Variants in SLCO3A1 observed in about 807,000 individuals in gnomAD.
SLCO3A1 encodes solute carrier organic anion transporter family member 3A1.
SLCO3A1 carries 27 observed loss-of-function variants against 63.1 expected under a neutral mutation model. The ratio of observed to expected loss-of-function variants is 0.43; its 90% CI spans 0.32 to 0.59. The LOEUF is 0.59. Ranked by LOEUF, SLCO3A1 falls within the 20% of genes least tolerant of loss-of-function variation. The pLI is 0.09. For missense variants in SLCO3A1, 773 were observed against 945.8 expected (o/e 0.82, Z 2.40); for synonymous variants, 473 against 409.9 (o/e 1.15, Z -1.86).
intron 2 of SLCO3A1, among the ~76,000 whole-genome samples, chr15:91,956,207 T>G (rs369242842): frequency 2.0e-5 from 3 of 152,278 alleles, no homozygotes; most frequent in East Asian, 3.9e-4. Flanking sequence ...GGTTGGTTTC[T>G]GGCGTTCTAC....
intron 8 of SLCO3A1, chr15:92,148,800 C>G (rs966390951): frequency 3.3e-5 from 5 of 152,134 alleles, no homozygotes; most frequent in African/African-American, 9.7e-5. Flanking sequence ...AGCAGAAAAA[C>G]CTGAATTGGA....
chr15:92,113,596 G>A (rs925174855), intron 4 of SLCO3A1, among the ~76,000 whole-genome samples: 4 of 152,296 alleles, frequency 2.6e-5, no homozygotes, highest in South Asian at 2.1e-4. Flanking sequence ...GCTAGGAAGC[G>A]CTCCCATGGG....
Position 91,886,929 on chromosome 15 carries a change from A to G in SLCO3A1, c.181-29064A>G, listed in dbSNP as rs1897738563. 6.6e-6 allele frequency among the ~76,000 whole-genome samples: 1 copy of G among 152,178 alleles called. No homozygotes were observed. The highest frequency in any genetic ancestry group is 6.5e-5 in the Admixed American group (1 of 15,282). On this transcript the variant is annotated intron_variant, in intron 1 of 9. Transcript: ENST00000318445. This position sits in a 1 kb window ranked among gnomAD's most constrained non-coding sequence, Gnocchi z 4.9. ...TCAGGAGGTTAAAAATTCTGCTTAC[A>G]GCTGAAGTTGCAGTTGCGTGGGAGA... is the stretch of plus-strand genomic sequence containing the variant.
intron 2 of SLCO3A1, among the ~76,000 whole-genome samples, chr15:91,956,985 A>ATAATATATATTAT (rs1297821954): frequency 6.0e-5 from 1 of 16,568 alleles, no homozygotes. Context: ...TAGTATATAT[A>ATAATATATATTAT]ATATATAGTA....
intron 1 of SLCO3A1, among the ~76,000 whole-genome samples, chr15:91,873,531 T>TACACACACACACAC (rs71912147): frequency 2.0e-4 from 29 of 146,748 alleles, no homozygotes; most frequent in African/African-American, 4.0e-4. Flanking sequence ...GCTACATTCA[T>TACACACACACACAC]ACACACACAC....
At chr15:92,042,320 G>C (rs547193804) in intron 2 of SLCO3A1, among the ~76,000 whole-genome samples, 1 of 152,256 alleles carries the variant, frequency 6.6e-6, no homozygotes, top group East Asian at 1.9e-4. Context: ...ATTTTAAAAG[G>C]GAAAAGAGGT....
intron 2 of SLCO3A1, among the ~76,000 whole-genome samples, chr15:92,087,921 T>A (rs1347368786): frequency 2.0e-5 from 3 of 152,214 alleles, no homozygotes; most frequent in African/African-American, 7.2e-5. Context: ...ATTCTTCTGG[T>A]TACATGCACC....
Position 91,912,474 on chromosome 15 carries a change from C to T in SLCO3A1, c.181-3519C>T, listed in dbSNP as rs571094490. On this transcript the variant is annotated intron_variant, in intron 1 of 9. Coordinates refer to ENST00000318445, the MANE Select transcript of SLCO3A1 (RefSeq NM_013272.4). The surrounding 1 kb of genome is among the most constrained non-coding windows in gnomAD (Gnocchi z 5.0). ...TGGGAGCCAGGACAAGAGCTGCAGG[C>T]ACGGGCGTTATCTGTCTCTAAAAGA... Among the ~76,000 whole-genome samples, 11 of 152,306 alleles carry T rather than the reference C, an allele frequency of 7.2e-5. No individual in the cohort carries two copies. Among genetic ancestry groups the T allele is most frequent in the African/African-American group, 2.4e-4 (10 of 41,572 alleles).
chr15:92,132,295 G>A lies in SLCO3A1; in HGVS notation c.1512+3806G>A, dbSNP rs575465031. Among the ~76,000 whole-genome samples the A allele has an allele frequency of 2.1e-5, 3 of 144,852 alleles. 1 individual carries two copies. The highest frequency in any genetic ancestry group is 4.6e-5 in the Non-Finnish European group (3 of 64,904). On this transcript the variant is annotated intron_variant, in intron 7 of 9. Coordinates refer to ENST00000318445, the MANE Select transcript of SLCO3A1 (RefSeq NM_013272.4). ...ATAGGGAAATCTGATTAGTGTTAGT[G>A]GTTTCCTGATATTAAACTTTTCTTC...
chr15:91,896,379 C>CT (rs1438804598), intron 1 of SLCO3A1, among the ~76,000 whole-genome samples: 1 of 152,142 alleles, frequency 6.6e-6, no homozygotes, highest in African/African-American at 2.4e-5. Context: ...GATTGCTTCT[C>CT]TGAGGTAGGA....
intron 2 of SLCO3A1, among the ~76,000 whole-genome samples, chr15:91,925,407 T>C (rs1898977181): frequency 6.6e-6 from 1 of 152,186 alleles, no homozygotes; most frequent in South Asian, 2.1e-4. Flanking sequence ...GATAATTTTT[T>C]AGTGTTAAAA....
At chr15:91,971,641 T>C (rs1475220340) in intron 2 of SLCO3A1, among the ~76,000 whole-genome samples, 1 of 152,022 alleles carries the variant, frequency 6.6e-6, no homozygotes. Context: ...CAGGCATGAG[T>C]TACAGCATTG....
rs567893607 is a variant in SLCO3A1 at position 92,033,136 on chromosome 15, TA to T, written c.647-61737del. Among the ~76,000 whole-genome samples the T allele has an allele frequency of 5.9e-5, 9 of 152,004 alleles. No individual in the cohort carries two copies. Among genetic ancestry groups the T allele is most frequent in the Admixed American group, 3.9e-4 (6 of 15,276 alleles). On this transcript the variant is annotated intron_variant, in intron 2 of 9. Transcript: ENST00000318445. The surrounding 1 kb of genome is among the most constrained non-coding windows in gnomAD (Gnocchi z 4.5). ...AGAATTTACCAAAGAATCTCACGTG[TA>T]AAAAAAACAAAAGAACTCCATGGAT... is the stretch of plus-strand genomic sequence containing the variant.
Position 92,163,186 on chromosome 15 carries a change from T to C in SLCO3A1, c.*51T>C, listed in dbSNP as rs2048462199. ...ATTAGTAATCCAAGGGTCATTTTTT[T>C]CTTAAAAAAAGAAAAAAAGGTTCCA... On this transcript the variant is annotated 3_prime_UTR_variant, in exon 10 of 10. Coordinates refer to ENST00000318445, the MANE Select transcript of SLCO3A1 (RefSeq NM_013272.4). 2.8e-6 allele frequency: 4 copies of C among 1,416,450 alleles called. No individual in the cohort carries two copies. Among genetic ancestry groups the C allele is most frequent in the South Asian group, 3.7e-5 (2 of 54,686 alleles). 87.7% of individuals were successfully genotyped at this position (1,416,450 alleles called of 1,614,324 possible).
intron 7 of SLCO3A1, among the ~76,000 whole-genome samples, chr15:92,134,045 A>G (rs894565427): frequency 6.6e-6 from 1 of 152,252 alleles, no homozygotes; most frequent in African/African-American, 2.4e-5. Context: ...GAAGATAGCT[A>G]TCATGGGACC....
At chr15:91,921,538 A>G (rs1323746252) in intron 2 of SLCO3A1, among the ~76,000 whole-genome samples, 1 of 152,118 alleles carries the variant, frequency 6.6e-6, no homozygotes, top group East Asian at 1.9e-4. Context: ...TGAGGAATTG[A>G]TGATATAGTT....
downstream of SLCO3A1, among the ~76,000 whole-genome samples, chr15:92,169,160 C>T (rs575868678): frequency 6.6e-5 from 10 of 152,310 alleles, no homozygotes; most frequent in African/African-American, 2.4e-4. Context: ...AACCATAACC[C>T]TGTGAGGTAG....
At chr15:92,145,104 C>T (rs1486579663) in intron 7 of SLCO3A1, among the ~76,000 whole-genome samples, 2 of 152,136 alleles carry the variant, frequency 1.3e-5, no homozygotes, top group African/African-American at 2.4e-5. Context: ...GGGGCCTGTG[C>T]TCCTGGGAGC....
In SLCO3A1 at chr15:91,859,962, T is replaced by C. The variant is rs1897009403; in HGVS notation, c.180+5874T>C. On this transcript the variant is annotated intron_variant, in intron 1 of 9. Coordinates refer to ENST00000318445, the MANE Select transcript of SLCO3A1 (RefSeq NM_013272.4). This position sits in a 1 kb window ranked among gnomAD's most constrained non-coding sequence, Gnocchi z 5.1. ...TTTTGTCTGGGAGGTAAAAAGTTTT[T>C]AAGGGCAAGTAATAAGCTAAATATC... 6.6e-6 allele frequency among the ~76,000 whole-genome samples: 1 copy of C among 152,248 alleles called. No homozygotes were observed. Among genetic ancestry groups the C allele is most frequent in the Non-Finnish European group, 1.5e-5 (1 of 68,044 alleles).
Sources: gnomAD v4.1 joint callset for allele counts (sites outside exome capture counted in the v4.1 genomes callset) on GRCh38, gnomAD v4.1.1 for gene constraint, Gnocchi (gnomAD v3.1) non-coding constraint, MANE v1.5 for transcripts, NCBI Gene and HGNC (gene_info 2026-07-23, HGNC 2026-07-21) for gene names.